FAM149B1: variants seen among roughly 807,000 people sequenced by gnomAD.
FAM149B1 encodes the protein family with sequence similarity 149 member B1, also known as primary cilium assembly protein FAM149B1.
In FAM149B1, 56 loss-of-function variants were observed where a neutral mutation model predicts 75.3. That is an observed-to-expected ratio of 0.74 (90% CI 0.60 to 0.93). The LOEUF (loss-of-function observed/expected upper bound fraction) is 0.93, where lower values mean the gene tolerates loss of function less well. Ranked by LOEUF, FAM149B1 falls within the 40% of genes least tolerant of loss-of-function variation. FAM149B1 has a pLI of 0.00. For synonymous variants in FAM149B1, 259 were observed against 256.1 expected (o/e 1.01, Z -0.11); for missense variants, 639 against 708.4 (o/e 0.90, Z 1.11).
Position 73,233,055 on chromosome 10 carries a change from C to G in FAM149B1, c.1244C>G (p.Ser415Cys), listed in dbSNP as rs2043745674. The change falls in exon 10 of 14, where the codon TCC (serine) becomes TGC (cysteine). Residue 415 changes from serine to cysteine, a missense_variant. Ser to Cys is a moderately radical substitution (Grantham distance 112). Transcript: ENST00000242505. ...STSSLSYTVQ[S>C]TRRRNPPPRT... ...TCATCTCTGTCATACACAGTGCAGT[C>G]CACCAGGAGACGCAATCCACCACCA... 1 of 1,551,632 alleles carries G rather than the reference C, an allele frequency of 6.4e-7. No individual in the cohort carries two copies.
At chr10:73,225,481 T>C (rs1363357775) in intron 7 of FAM149B1, among the ~76,000 whole-genome samples, 2 of 152,166 alleles carry the variant, frequency 1.3e-5, no homozygotes, top group Admixed American at 1.3e-4. Context: ...CCTCATAGAA[T>C]AAGGAAATAA....
rs545161390 is a variant in FAM149B1, at chr10:73,217,295, T to C, written c.898+6857T>C. 5.3e-5 allele frequency among the ~76,000 whole-genome samples: 8 copies of C among 152,316 alleles called. No homozygotes were observed. The South Asian group carries it at 1.7e-3, about 32-fold the overall frequency. ...TTGGAGGCATACATATTTTTTTCTG[T>C]TGGGTAAATTCTTCATAGTAGAATG... On this transcript the variant is annotated intron_variant, in intron 7 of 13. Transcript: ENST00000242505.
chr10:73,168,431 G>A (rs1843547933), intron 1 of FAM149B1, 45 bp downstream of exon 1: 2 of 1,546,316 alleles, frequency 1.3e-6, no homozygotes, highest in Admixed American at 2.0e-5. Context: ...GGCGGCGGGC[G>A]CTCTGGGGAC....
chr10:73,242,944 A>G lies in FAM149B1; in HGVS notation c.*1925A>G, dbSNP rs1668092837. ...GCTGAGTAAAATGAAGAGAGGATCT[A>G]TTCAAGATCATTAAGACCAAATGTA... On this transcript the variant is annotated 3_prime_UTR_variant, in exon 14 of 14. Coordinates refer to ENST00000242505, the MANE Select transcript of FAM149B1 (RefSeq NM_173348.2). 6.2e-6 allele frequency: 1 copy of G among 162,052 alleles called. No homozygotes were observed. The highest frequency in any genetic ancestry group is 1.3e-5 in the Non-Finnish European group (1 of 74,254). 10.0% of individuals were successfully genotyped at this position (162,052 alleles called of 1,614,324 possible). A position where few individuals can be genotyped will look rare whatever the true frequency, so the allele number is the denominator to read the frequency against.
rs541166928 is a variant in FAM149B1, at chr10:73,232,935, C to G, written c.1128-4C>G. The G allele has an allele frequency of 7.2e-6, 11 of 1,526,046 alleles. No homozygotes were observed. The East Asian group carries it at 2.7e-4, about 37-fold the overall frequency. The allele number at this position is 1,526,046 out of a possible 1,614,324, so 94.5% of individuals were successfully genotyped here. A position where few individuals can be genotyped will look rare whatever the true frequency, so the allele number is the denominator to read the frequency against. On this transcript the variant is annotated splice_region_variant and splice_polypyrimidine_tract_variant and intron_variant, in intron 9 of 13. Transcript: ENST00000242505. ...TCATTGTGGGTTTCTGATTTGGCTA[C>G]TAGAGATCTTGATGACAAGCTACTT...
chr10:73,232,902 T>C (rs1218854313), intron 9 of FAM149B1, 37 bp from the exon 10 acceptor site: 8 of 1,222,472 alleles, frequency 6.5e-6, no homozygotes, highest in African/African-American at 4.5e-5. Context: ...GACATACTGA[T>C]CTTTACTTCA....
At chr10:73,237,190 G>C (rs534299511) in intron 12 of FAM149B1, among the ~76,000 whole-genome samples, 1 of 152,288 alleles carries the variant, frequency 6.6e-6, no homozygotes, top group South Asian at 2.1e-4. Context: ...GTTCCAGGTG[G>C]ACATAAATTT....
chr10:73,232,848 GT>G, intron 9 of FAM149B1, 90 bp from the exon 10 acceptor site: 1 of 754,718 alleles, frequency 1.3e-6, no homozygotes, highest in South Asian at 1.6e-5. Context: ...CCTAAATGTA[GT>G]TTCTAGTCTA....
intron 5 of FAM149B1, among the ~76,000 whole-genome samples, chr10:73,194,703 A>C (rs889478721): frequency 2.1e-5 from 3 of 145,960 alleles, no homozygotes; most frequent in Admixed American, 6.9e-5. Context: ...TTGAGACAGA[A>C]TCTTGCTCTG....
intron 3 of FAM149B1, among the ~76,000 whole-genome samples, chr10:73,190,448 C>T (rs1195852246): frequency 6.6e-6 from 1 of 151,318 alleles, no homozygotes; most frequent in Middle Eastern, 3.2e-3. Context: ...ACTGCGACTA[C>T]AGGTGTCGGC....
chr10:73,182,159 T>G (rs2042413991), intron 3 of FAM149B1, among the ~76,000 whole-genome samples: 1 of 151,954 alleles, frequency 6.6e-6, no homozygotes, highest in Non-Finnish European at 1.5e-5. Flanking sequence ...GTGTTTCTTG[T>G]AGGCAACAGA....
rs1309618968 is a variant in FAM149B1, at chr10:73,243,523, T to A, written c.*2504T>A. 6.2e-7 allele frequency: 1 copy of A among 1,614,000 alleles called. No homozygotes were observed. The highest frequency in any genetic ancestry group is 8.5e-7 in the Non-Finnish European group (1 of 1,179,978). ...TTTGCCGATCCTTTTGTCTGCTCTG[T>A]TTGAGAAGTTAAAACACAAGCTTTC... is the stretch of plus-strand genomic sequence containing the variant. On this transcript the variant is annotated 3_prime_UTR_variant, in exon 14 of 14. Coordinates refer to ENST00000242505, the MANE Select transcript of FAM149B1 (RefSeq NM_173348.2).
chr10:73,174,584 C>T, intron 1 of FAM149B1, 103 bp from the exon 2 acceptor site: 1 of 786,414 alleles, frequency 1.3e-6, no homozygotes, highest in Non-Finnish European at 2.1e-6. Context: ...TCAGACAGTG[C>T]AGTTCCAGAG....
Position 73,234,801 on chromosome 10 carries a change from T to C in FAM149B1, c.1353-16T>C, listed in dbSNP as rs1161786443. 5 of 1,550,688 alleles carry C rather than the reference T, an allele frequency of 3.2e-6. No individual in the cohort carries two copies. In the African/African-American group the frequency reaches 6.8e-5, roughly 21 times the overall value. On this transcript the variant is annotated splice_polypyrimidine_tract_variant and intron_variant, in intron 10 of 13. Coordinates refer to ENST00000242505, the MANE Select transcript of FAM149B1 (RefSeq NM_173348.2). ...TCATGCTTTCATACCTTCGTGTTTGTTGGTGGGATCTGCAGCCCAGTGGCA... is the reference window on the plus strand; with the variant it reads ...TCATGCTTTCATACCTTCGTGTTTGCTGGTGGGATCTGCAGCCCAGTGGCA...
rs375034289 is a variant in FAM149B1, at chr10:73,234,040, G to C, written c.1353-777G>C. On this transcript the variant is annotated intron_variant, in intron 10 of 13. Transcript: ENST00000242505. ...AGCCTCATCATGCAAAAATACCTAGGAGCCAATTTTAAACATAGAATTCTT... is the reference window on the plus strand; with the variant it reads ...AGCCTCATCATGCAAAAATACCTAGCAGCCAATTTTAAACATAGAATTCTT... 7.9e-5 allele frequency: 12 copies of C among 152,226 alleles called. No individual in the cohort carries two copies. In the East Asian group the frequency reaches 1.7e-3, roughly 22 times the overall value. 9.4% of individuals were successfully genotyped at this position (152,226 alleles called of 1,614,324 possible). A position where few individuals can be genotyped will look rare whatever the true frequency, so the allele number is the denominator to read the frequency against.
intron 9 of FAM149B1, chr10:73,230,781 A>C (rs2043674604): frequency 2.8e-6 from 1 of 357,612 alleles, no homozygotes. Context: ...CGTGCTGTCC[A>C]GAATGAGTGC....
intron 5 of FAM149B1, among the ~76,000 whole-genome samples, chr10:73,193,910 G>A (rs1279614024): frequency 1.3e-5 from 2 of 152,092 alleles, no homozygotes; most frequent in Non-Finnish European, 1.5e-5. Context: ...CAAGGTCAAG[G>A]GGCAGGACCT....
At chr10:73,229,222 A>G (rs1341990185) in intron 8 of FAM149B1, among the ~76,000 whole-genome samples, 1 of 152,134 alleles carries the variant, frequency 6.6e-6, no homozygotes, top group Non-Finnish European at 1.5e-5. Context: ...TTCCTACACA[A>G]TAGTTTCCTG....
rs1297069494 is a variant in FAM149B1 at position 73,177,974 on chromosome 10, G to C, written c.281G>C (p.Gly94Ala). 2 of 1,549,068 alleles carry C rather than the reference G, an allele frequency of 1.3e-6. No individual in the cohort carries two copies. Among genetic ancestry groups the C allele is most frequent in the African/African-American group, 2.7e-5 (2 of 72,794 alleles). ...AGCTCGGACTTCTCCTGGGGATATG[G>C]TGTGAGTTATATGTTATCAGTCTGA... ...EGSSDFSWGY[G>A]ELDQNATEKV... is the part of the protein sequence containing the mutation. Residue 94 changes from glycine (G) to alanine (A), a missense_variant and splice_region_variant, in exon 3 of 14, where the codon GGT (glycine) becomes GCT (alanine). By Grantham distance (60) the Gly-to-Ala change is moderately conservative (BLOSUM62 0). Coordinates refer to ENST00000242505, the MANE Select transcript of FAM149B1 (RefSeq NM_173348.2).
Sources: gnomAD v4.1 joint callset for allele counts (sites outside exome capture counted in the v4.1 genomes callset) on GRCh38, gnomAD v4.1.1 for gene constraint, MANE v1.5 for transcripts, NCBI Gene and HGNC (gene_info 2026-07-23, HGNC 2026-07-21) for gene names.